Variants in SOX5 observed in about 807,000 individuals in gnomAD.
The protein encoded by SOX5 is transcription factor SOX-5.
Under a neutral mutation model 92.0 loss-of-function variants are expected in SOX5, and 9 were observed. The ratio of observed to expected loss-of-function variants is 0.10; its 90% CI spans 0.06 to 0.17. The LOEUF (loss-of-function observed/expected upper bound fraction) is 0.17, where lower values mean the gene tolerates loss of function less well. Among genes scored for constraint, SOX5 ranks in the 10% least tolerant of loss-of-function variants. The pLI, the probability that SOX5 is intolerant of heterozygous loss-of-function variation, is 1.00. For missense variants in SOX5, 642 were observed against 944.5 expected, an observed-to-expected ratio of 0.68 and a Z score of 4.20; for synonymous variants, 344 against 336.3, an observed-to-expected ratio of 1.02 and a Z score of -0.25.
chr12:24,295,563 G>T (rs1947119286), intron 2 of SOX5, among the ~76,000 whole-genome samples: 1 of 152,096 alleles, frequency 6.6e-6, no homozygotes, highest in South Asian at 2.1e-4. Context: ...TGAAGTTCTT[G>T]GTTTTTGTTT....
At chr12:23,907,650 T>C (rs1397530934) in intron 1 of SOX5, among the ~76,000 whole-genome samples, 1 of 151,956 alleles carries the variant, frequency 6.6e-6, no homozygotes, top group East Asian at 1.9e-4. Flanking sequence ...ATGTTTGTAA[T>C]AATCTGTAAA....
At chr12:23,786,122 C>T (rs1419856873) in intron 3 of SOX5, among the ~76,000 whole-genome samples, 1 of 151,878 alleles carries the variant, frequency 6.6e-6, no homozygotes, top group Non-Finnish European at 1.5e-5. Context: ...TTCCATTGCT[C>T]ATCCAATTCT....
rs142541779 is a variant in SOX5, at chr12:23,883,799, T to C, written c.270+11994A>G. ...TGGTGTTAGTGGAGGTGGTTGCTAT[T>C]GCTGACTAGCCTTAACAGCATTAAG... On this transcript the variant is annotated intron_variant, in intron 2 of 14. Coordinates refer to ENST00000451604, the MANE Select transcript of SOX5 (RefSeq NM_006940.6). Among the ~76,000 whole-genome samples, 120 of 152,336 alleles carry C rather than the reference T, an allele frequency of 7.9e-4. 1 individual carries two copies. Among genetic ancestry groups the C allele is most frequent in the Non-Finnish European group, 1.4e-3 (97 of 68,020 alleles).
chr12:24,527,801 T>G (rs1011050191), intron 1 of SOX5, among the ~76,000 whole-genome samples: 7 of 152,260 alleles, frequency 4.6e-5, no homozygotes, highest in Non-Finnish European at 1.0e-4. Context: ...TCAGGGGAGC[T>G]AAATGTCCTA....
intron 6 of SOX5, among the ~76,000 whole-genome samples, chr12:23,726,026 T>A (rs4963716): frequency 0.74 from 113,006 of 151,972 alleles, 42,075 homozygotes; most frequent in East Asian, 0.78. Context: ...CACACAGGTG[T>A]CCTTAATTCC....
At chr12:24,558,072 C>A (rs950264173) in intron 1 of SOX5, among the ~76,000 whole-genome samples, 2 of 152,114 alleles carry the variant, frequency 1.3e-5, no homozygotes, top group African/African-American at 4.8e-5. Flanking sequence ...TTCCTTGATA[C>A]CTGTAATTGC....
rs576022309 is a variant in SOX5, at chr12:24,291,438, A to C, written c.-173-14126T>G. Among the ~76,000 whole-genome samples the C allele has an allele frequency of 1.4e-3, 220 of 152,366 alleles. 2 individuals are homozygous for C. The highest frequency in any genetic ancestry group is 5.0e-3 in the African/African-American group (209 of 41,584). On this transcript the variant is annotated intron_variant, in intron 2 of 4. Transcript: ENST00000446891. ...TGCAACCAGCCTAACTTCCATTAACATAGTTAGAAACTCTCTGATATGAAG... is the reference window on the plus strand; with the variant it reads ...TGCAACCAGCCTAACTTCCATTAACCTAGTTAGAAACTCTCTGATATGAAG...
intron 2 of SOX5, among the ~76,000 whole-genome samples, chr12:24,360,922 C>G (rs1203353183): frequency 6.6e-6 from 1 of 152,112 alleles, no homozygotes; most frequent in Non-Finnish European, 1.5e-5. Context: ...ATATCTAGTA[C>G]TAAATACATA....
intron 4 of SOX5, among the ~76,000 whole-genome samples, chr12:24,091,249 T>C (rs1944601201): frequency 6.6e-6 from 1 of 152,106 alleles, no homozygotes; most frequent in African/African-American, 2.4e-5. Flanking sequence ...ATAAAGGGAA[T>C]AGAGGATGAA....
At chr12:23,717,390 G>A (rs552241232) in intron 6 of SOX5, among the ~76,000 whole-genome samples, 1 of 152,028 alleles carries the variant, frequency 6.6e-6, no homozygotes, top group African/African-American at 2.4e-5. Flanking sequence ...ACAACTTTCT[G>A]TCAGCCCTCA....
chr12:24,095,451 ATTT>A, intron 4 of SOX5, among the ~76,000 whole-genome samples: 2 of 149,984 alleles, frequency 1.3e-5, no homozygotes, highest in South Asian at 4.2e-4. Context: ...TTATTTATTT[ATTT>A]ATTTATTTAA....
At chr12:24,060,466 G>A (rs1373147438) in intron 4 of SOX5, among the ~76,000 whole-genome samples, 2 of 152,132 alleles carry the variant, frequency 1.3e-5, no homozygotes, top group Admixed American at 1.3e-4. Flanking sequence ...CCATATATTT[G>A]CTATGTGAGC....
chr12:23,698,102 G>A (rs1296482862), intron 6 of SOX5, among the ~76,000 whole-genome samples: 5 of 152,048 alleles, frequency 3.3e-5, no homozygotes, highest in Admixed American at 2.0e-4. Context: ...TGCAAATGAT[G>A]TTATAACTTT....
intron 3 of SOX5, among the ~76,000 whole-genome samples, chr12:23,842,327 C>CT (rs537209136): frequency 3.2e-4 from 48 of 152,094 alleles, no homozygotes; most frequent in Non-Finnish European, 6.5e-4. Flanking sequence ...AGAAATGAAG[C>CT]TGCAATAATC....
intron 1 of SOX5, among the ~76,000 whole-genome samples, chr12:24,482,397 A>G (rs1319628269): frequency 3.3e-5 from 5 of 152,216 alleles, no homozygotes; most frequent in Admixed American, 6.5e-5. Context: ...AATTTTACTC[A>G]TAGACTTTTC....
intron 1 of SOX5, among the ~76,000 whole-genome samples, chr12:24,524,796 C>A (rs1407795175): frequency 6.6e-6 from 1 of 152,078 alleles, no homozygotes; most frequent in South Asian, 2.1e-4. Context: ...GCAGAAGGAT[C>A]GCTGGAGGCC....
intron 10 of SOX5, among the ~76,000 whole-genome samples, chr12:23,564,496 T>TG (rs1218781778): frequency 6.6e-6 from 1 of 152,124 alleles, no homozygotes; most frequent in Non-Finnish European, 1.5e-5. Context: ...TTGTGACAGA[T>TG]GGAGGGACTG....
chr12:24,076,004 G>C (rs112925092), intron 4 of SOX5, among the ~76,000 whole-genome samples: 5 of 152,276 alleles, frequency 3.3e-5, no homozygotes, highest in African/African-American at 1.2e-4. Flanking sequence ...TGGGGAGGAA[G>C]ATCTCTGGGA....
intron 4 of SOX5, among the ~76,000 whole-genome samples, chr12:23,747,522 T>C (rs1438852412): frequency 6.6e-6 from 1 of 152,082 alleles, no homozygotes. Context: ...TCTCTTCCCG[T>C]TTTCTCTTTT....
Sources: allele counts gnomAD v4.1 joint callset (sites outside exome capture counted in the v4.1 genomes callset), GRCh38; gene constraint gnomAD v4.1.1; transcripts MANE v1.5; gene names NCBI Gene and HGNC (gene_info 2026-07-23, HGNC 2026-07-21).